TUFT1: variants seen among roughly 807,000 people sequenced by gnomAD.
TUFT1 encodes tuftelin.
A neutral mutation model predicts 57.8 loss-of-function variants in TUFT1; 43 were observed. That is an observed-to-expected ratio of 0.74 (90% CI 0.58 to 0.96). The LOEUF (loss-of-function observed/expected upper bound fraction) is 0.96. Among genes scored for constraint, TUFT1 ranks in the 40% least tolerant of loss-of-function variants. The pLI is 0.00. For synonymous variants in TUFT1, 166 were observed against 176.7 expected (o/e 0.94, Z 0.48); for missense variants, 459 against 489.0 (o/e 0.94, Z 0.58).
chr1:151,569,910 G>A (rs1019170389), intron 7 of TUFT1, 140 bp downstream of exon 7: 2 of 685,876 alleles, frequency 2.9e-6, no homozygotes, highest in African/African-American at 1.8e-5. Flanking sequence ...AGCCTGGAAC[G>A]CTTGTCTGCT....
At chr1:151,556,998 T>C (rs950386012) in intron 1 of TUFT1, among the ~76,000 whole-genome samples, 6 of 152,152 alleles carry the variant, frequency 3.9e-5, no homozygotes, top group African/African-American at 1.4e-4. Flanking sequence ...ATGCTGAGAT[T>C]ACAGATGTGA....
At chr1:151,570,307 T>C (rs1173947111) in intron 7 of TUFT1, among the ~76,000 whole-genome samples, 1 of 152,168 alleles carries the variant, frequency 6.6e-6, no homozygotes, top group Non-Finnish European at 1.5e-5. Flanking sequence ...ATGAGTATCT[T>C]TTTTTCACTC....
intron 11 of TUFT1, among the ~76,000 whole-genome samples, chr1:151,580,053 G>A (rs1666595244): frequency 2.0e-5 from 3 of 152,184 alleles, no homozygotes; most frequent in Admixed American, 1.3e-4. Flanking sequence ...AGTGGTGCTG[G>A]GCTGTGAAGG....
chr1:151,574,457 G>A (rs998006891), intron 8 of TUFT1, 59 bp downstream of exon 8: 2 of 1,599,714 alleles, frequency 1.3e-6, no homozygotes, highest in South Asian at 1.1e-5. Flanking sequence ...GGGCCTGCAG[G>A]TGGATCGAAA....
chr1:151,553,309 C>T (rs1481355738), intron 1 of TUFT1, among the ~76,000 whole-genome samples: 1 of 152,166 alleles, frequency 6.6e-6, no homozygotes, highest in Non-Finnish European at 1.5e-5. Context: ...CCAGGCTGGT[C>T]TCGAACTCCT....
rs1666653125 is a variant in TUFT1 at position 151,581,769 on chromosome 1, T to C, written c.*62T>C. ...CTGCCTCGGAGAAGCCCACTGCCCC[T>C]GTTGGCTGTTAACACTGCCTTTGAC... On this transcript the variant is annotated 3_prime_UTR_variant, in exon 13 of 13. Coordinates refer to ENST00000368849, the MANE Select transcript of TUFT1 (RefSeq NM_020127.3). 1 of 1,556,866 alleles carries C rather than the reference T, an allele frequency of 6.4e-7. No homozygotes were observed. The highest frequency in any genetic ancestry group is 8.9e-7 in the Non-Finnish European group (1 of 1,128,646).
intron 12 of TUFT1, 42 bp from the exon 13 acceptor site, chr1:151,581,602 G>C (rs757147006): frequency 6.2e-7 from 1 of 1,605,694 alleles, no homozygotes; most frequent in South Asian, 1.1e-5. Context: ...CCACAACACA[G>C]CTGTTCCCAG....
At chr1:151,549,988 C>T (rs969390437) in intron 1 of TUFT1, among the ~76,000 whole-genome samples, 8 of 152,194 alleles carry the variant, frequency 5.3e-5, no homozygotes, top group African/African-American at 1.7e-4. Context: ...TCCCAAAGTG[C>T]TGGGATTACA....
rs145037410 is a variant in TUFT1, at chr1:151,574,397, C to T, written c.722C>T (p.Thr241Met). The change falls in exon 8 of 13, where the codon ACG (threonine) becomes ATG (methionine). Residue 241 changes from threonine to methionine, a missense_variant and splice_region_variant. Thr to Met is a moderately conservative substitution (Grantham distance 81). Transcript: ENST00000368849. ...CAGAGGCGCTTGCTAGGGATGGAGA[C>T]GGTAACCGGGGGATCTTGCTTGTCA... ...ELQRRLLGME[T>M]EHQALLAKVR... 6.3e-5 allele frequency: 101 copies of T among 1,613,906 alleles called. No homozygotes were observed. The African/African-American group carries it at 8.7e-4, about 14-fold the overall frequency.
In TUFT1 at chr1:151,562,161, A is replaced by G. The variant is rs753392161; in HGVS notation, c.131A>G (p.Gln44Arg). ...LTGDELEHIAQKAGRKTYAMV... is the reference protein window; with the variant it reads ...LTGDELEHIARKAGRKTYAMV... Reference sequence around the variant, plus strand: ...GGAGATGAACTTGAACACATAGCCCAGAAGGTACTGCGGAATTCTGGTGGG... The same window carrying G: ...GGAGATGAACTTGAACACATAGCCCGGAAGGTACTGCGGAATTCTGGTGGG... Residue 44 changes from glutamine to arginine, a missense_variant, in exon 2 of 13, where the codon CAG becomes CGG. Physicochemically the swap from Gln to Arg is conservative, Grantham distance 43. Transcript: ENST00000368849. 9.9e-6 allele frequency: 16 copies of G among 1,614,012 alleles called. No individual in the cohort carries two copies. The highest frequency in any genetic ancestry group is 1.7e-4 in the Middle Eastern group (1 of 6,024).
Position 151,582,184 on chromosome 1 carries a change from T to C in TUFT1, c.*477T>C, listed in dbSNP as rs934945011. ...TCAGTTCTTAGCAACAAACTGTTTGTTTTTCTACTTGCTCCATCTGCAGCC... is the reference window on the plus strand; with the variant it reads ...TCAGTTCTTAGCAACAAACTGTTTGCTTTTCTACTTGCTCCATCTGCAGCC... On this transcript the variant is annotated 3_prime_UTR_variant, in exon 13 of 13. Coordinates refer to ENST00000368849, the MANE Select transcript of TUFT1 (RefSeq NM_020127.3). The C allele has an allele frequency of 2.2e-6, 1 of 457,096 alleles. No homozygotes were observed. The highest frequency in any genetic ancestry group is 4.4e-6 in the Non-Finnish European group (1 of 227,656). 28.3% of individuals were successfully genotyped at this position (457,096 alleles called of 1,614,324 possible).
chr1:151,551,142 C>G, intron 1 of TUFT1, among the ~76,000 whole-genome samples: 1 of 152,080 alleles, frequency 6.6e-6, no homozygotes, highest in East Asian at 1.9e-4. Context: ...TTTCCTATTC[C>G]ATTAGCCACT....
At chr1:151,554,000 T>C (rs909438730) in intron 1 of TUFT1, among the ~76,000 whole-genome samples, 1 of 150,486 alleles carries the variant, frequency 6.6e-6, no homozygotes, top group African/African-American at 2.4e-5. Context: ...TGTTTTTCTA[T>C]TGGGCTGCAT....
At chr1:151,581,577 T>C in intron 12 of TUFT1, 67 bp from the exon 13 acceptor site, 1 of 1,509,174 alleles carries the variant, frequency 6.6e-7, no homozygotes, top group Non-Finnish European at 9.2e-7. Flanking sequence ...TTCCAGGGGC[T>C]CTGTGAAGGG....
intron 12 of TUFT1, among the ~76,000 whole-genome samples, chr1:151,581,359 C>T (rs529896116): frequency 6.6e-6 from 1 of 152,248 alleles, no homozygotes; most frequent in Admixed American, 6.5e-5. Context: ...GAAAAGGACC[C>T]ATGATCTTGA....
Position 151,569,726 on chromosome 1 carries a change from C to T in TUFT1, c.550C>T (p.Gln184Ter), listed in dbSNP as rs748333754. ...GGTGCAGGACTTGCTGGCCAAGCTTCAGGAGGCCAAGCGGCAACACCAGTC... is the reference window on the plus strand; with the variant it reads ...GGTGCAGGACTTGCTGGCCAAGCTTTAGGAGGCCAAGCGGCAACACCAGTC... ...KTVQDLLAKL[Q>*]EAKRQHQSDC... The change falls in exon 7 of 13, where the codon CAG (glutamine) becomes TAG (stop). Residue 184 changes from glutamine (Q) to a stop codon, truncating the protein, a stop_gained. Coordinates refer to ENST00000368849, the MANE Select transcript of TUFT1 (RefSeq NM_020127.3). LOFTEE classifies it high-confidence loss of function. The T allele has an allele frequency of 6.2e-7, 1 of 1,614,044 alleles. No individual in the cohort carries two copies. Among genetic ancestry groups the T allele is most frequent in the Non-Finnish European group, 8.5e-7 (1 of 1,179,970 alleles).
At chr1:151,543,805 C>A (rs573570086) in intron 1 of TUFT1, among the ~76,000 whole-genome samples, 1 of 152,076 alleles carries the variant, frequency 6.6e-6, no homozygotes, top group East Asian at 1.9e-4. Context: ...ATAGGCCCCC[C>A]CCAGATTACA....
intron 9 of TUFT1, among the ~76,000 whole-genome samples, chr1:151,576,669 G>T (rs987021441): frequency 6.6e-6 from 1 of 152,160 alleles, no homozygotes; most frequent in African/African-American, 2.4e-5. Context: ...GTCTCACTCT[G>T]TCGCCCAGGC....
Position 151,579,840 on chromosome 1 carries a change from C to T in TUFT1, c.1008+108C>T, listed in dbSNP as rs551302442. On this transcript the variant is annotated intron_variant, in intron 11 of 12. Transcript: ENST00000368849. ...GTCTTTGTCATGTCTTGCTGTTGCT[C>T]TGAAGTGAATACCTAGGGTGGTTGG... The T allele has an allele frequency of 2.2e-5, 25 of 1,119,186 alleles. No homozygotes were observed. The South Asian group carries it at 3.3e-4, about 15-fold the overall frequency. The allele number at this position is 1,119,186 out of a possible 1,614,324, so 69.3% of individuals were successfully genotyped here. A position where few individuals can be genotyped will look rare whatever the true frequency, so the allele number is the denominator to read the frequency against.
Sources: allele counts gnomAD v4.1 joint callset (sites outside exome capture counted in the v4.1 genomes callset), GRCh38; gene constraint gnomAD v4.1.1; transcripts MANE v1.5; gene names NCBI Gene and HGNC (gene_info 2026-07-23, HGNC 2026-07-21).